CAST: variants seen among roughly 807,000 people sequenced by gnomAD.
CAST encodes the protein calpastatin.
A neutral mutation model predicts 119.6 loss-of-function variants in CAST; 76 were observed. The ratio of observed to expected loss-of-function variants is 0.64; its 90% CI spans 0.53 to 0.77. The LOEUF is 0.77. Ranked by LOEUF, CAST falls within the 30% of genes least tolerant of loss-of-function variation. The probability of loss-of-function intolerance (pLI) is 0.00; values close to 1 mark genes in which losing one functional copy is unlikely to be tolerated. For synonymous variants in CAST, 319 were observed against 331.6 expected (o/e 0.96, Z 0.41); for missense variants, 953 against 946.5 (o/e 1.01, Z -0.09).
At chr5:96,749,615 T>C (rs1203114421) in intron 19 of CAST, among the ~76,000 whole-genome samples, 3 of 152,238 alleles carry the variant, frequency 2.0e-5, no homozygotes, top group Non-Finnish European at 2.9e-5. Context: ...GGCACAGTCT[T>C]GGCTCACTCC....
chr5:96,719,413 G>A lies in CAST; in HGVS notation c.211-3226G>A, dbSNP rs185159900. 8.7e-4 allele frequency among the ~76,000 whole-genome samples: 133 copies of A among 152,272 alleles called. 1 individual carries two copies. The highest frequency in any genetic ancestry group is 2.8e-3 in the African/African-American group (118 of 41,548). On this transcript the variant is annotated intron_variant, in intron 3 of 31. Coordinates refer to ENST00000675179, the MANE Select transcript of CAST (RefSeq NM_001750.7). ...TGGACTCAAGCTGTCCTCCCATCTC[G>A]GCCTCCCGAGGTGCTGGGATTTCAG...
Position 96,643,349 on chromosome 5 carries a change from T to A in CAST, c.61-32190T>A, listed in dbSNP as rs571699130. On this transcript the variant is annotated intron_variant, in intron 1 of 11. Coordinates refer to the CAST transcript ENST00000505143. The stretch of plus-strand genomic sequence containing the variant: ...ATATAATTCCATTTATATGAAATAT[T>A]CAGAATAGTTAAATCTATAGAGGCA... 3.9e-5 allele frequency among the ~76,000 whole-genome samples: 6 copies of A among 152,322 alleles called. No individual in the cohort carries two copies. In the South Asian group the frequency reaches 1.2e-3, roughly 32 times the overall value.
chr5:96,420,732 TAAGG>T, the CAST span, among the ~76,000 whole-genome samples: 1 of 95,992 alleles, frequency 1.0e-5, no homozygotes, highest in African/African-American at 4.2e-5. Flanking sequence ...TGAGGGAGAA[TAAGG>T]AAGGGAGGGA....
At chr5:96,393,561 G>A in the CAST span, among the ~76,000 whole-genome samples, 1 of 152,032 alleles carries the variant, frequency 6.6e-6, no homozygotes, top group Admixed American at 6.5e-5. Context: ...TACCCTCTGG[G>A]GTACCTTTAA....
chr5:96,113,073 T>C, the CAST span, among the ~76,000 whole-genome samples: 1 of 152,228 alleles, frequency 6.6e-6, no homozygotes, highest in Non-Finnish European at 1.5e-5. Context: ...GCTTATTAAG[T>C]ACCAAAGAAA....
chr5:96,695,477 T>C (rs974097752), intron 2 of CAST, among the ~76,000 whole-genome samples: 1 of 152,222 alleles, frequency 6.6e-6, no homozygotes, highest in African/African-American at 2.4e-5. Context: ...ATAGCATCTT[T>C]GATACATATT....
At chr5:96,008,389 T>C in the CAST span, among the ~76,000 whole-genome samples, 4 of 152,234 alleles carry the variant, frequency 2.6e-5, no homozygotes, top group East Asian at 7.7e-4. Context: ...ATGCTCCTTG[T>C]TTATTTTTTC....
chr5:96,425,587 A>C, the CAST span, among the ~76,000 whole-genome samples: 1 of 152,234 alleles, frequency 6.6e-6, no homozygotes, highest in Non-Finnish European at 1.5e-5. Context: ...AAGAAGACAA[A>C]AAATACAACC....
the CAST span, among the ~76,000 whole-genome samples, chr5:96,498,564 C>T: frequency 6.6e-6 from 1 of 152,136 alleles, no homozygotes; most frequent in Admixed American, 6.5e-5. Flanking sequence ...AATTCAATAT[C>T]AGGTTTAAGG....
At chr5:96,347,822 A>G in the CAST span, among the ~76,000 whole-genome samples, 2 of 152,180 alleles carry the variant, frequency 1.3e-5, no homozygotes, top group South Asian at 2.1e-4. Flanking sequence ...ACTGGTAAAG[A>G]TGATTTGAAG....
At chr5:96,243,374 G>A in the CAST span, among the ~76,000 whole-genome samples, 2 of 151,586 alleles carry the variant, frequency 1.3e-5, no homozygotes, top group Non-Finnish European at 2.9e-5. Context: ...TAATCCTAGG[G>A]TAATGGAAGA....
the CAST span, among the ~76,000 whole-genome samples, chr5:96,382,439 G>A: frequency 6.6e-6 from 1 of 152,158 alleles, no homozygotes; most frequent in Admixed American, 6.5e-5. Context: ...ACCCCCAGTG[G>A]ATCCTCCCTG....
chr5:96,538,753 T>A (rs1337401253), intron 1 of CAST, among the ~76,000 whole-genome samples: 1 of 44,234 alleles, frequency 2.3e-5, no homozygotes, highest in Non-Finnish European at 5.0e-5. Context: ...CACACACCGC[T>A]CCCTCAGAAA....
intron 29 of CAST, 42 bp downstream of exon 29, chr5:96,768,041 TG>T (rs1561624516): frequency 8.2e-7 from 1 of 1,224,910 alleles, no homozygotes; most frequent in South Asian, 1.2e-5. Flanking sequence ...AATGTGTGTG[TG>T]TGTATGTGTA....
the CAST span, among the ~76,000 whole-genome samples, chr5:96,001,040 C>T: frequency 3.2e-4 from 49 of 152,170 alleles, no homozygotes; most frequent in South Asian, 1.2e-3. Flanking sequence ...GGGACTACCA[C>T]TAATTAGCTT....
At chr5:96,223,503 G>A in the CAST span, among the ~76,000 whole-genome samples, 462 of 152,284 alleles carry the variant, frequency 3.0e-3, 2 homozygotes, top group African/African-American at 0.011. Flanking sequence ...ATTTGAACAA[G>A]GATTGCCAGC....
At chr5:96,408,752 G>A in the CAST span, among the ~76,000 whole-genome samples, 193 of 152,302 alleles carry the variant, frequency 1.3e-3, no homozygotes, top group Non-Finnish European at 2.0e-3. Context: ...ACATTTGGCT[G>A]CCTCTTCAGC....
At chr5:96,027,485 C>G in the CAST span, among the ~76,000 whole-genome samples, 2 of 151,500 alleles carry the variant, frequency 1.3e-5, no homozygotes, top group Non-Finnish European at 2.9e-5. Context: ...GGTAGAAATA[C>G]AGAATTTAAA....
the CAST span, among the ~76,000 whole-genome samples, chr5:96,458,281 T>A: frequency 6.6e-6 from 1 of 152,238 alleles, no homozygotes; most frequent in Non-Finnish European, 1.5e-5. Flanking sequence ...ATATGTTGTC[T>A]ATGGCTGCTT....
Sources: gnomAD v4.1 joint callset for allele counts (sites outside exome capture counted in the v4.1 genomes callset) on GRCh38, gnomAD v4.1.1 for gene constraint, MANE v1.5 for transcripts, NCBI Gene and HGNC (gene_info 2026-07-23, HGNC 2026-07-21) for gene names.